RAB3IP: variants seen among roughly 807,000 people sequenced by gnomAD.
RAB3IP encodes rab-3A-interacting protein.
Under a neutral mutation model 59.1 loss-of-function variants are expected in RAB3IP, and 36 were observed. The observed-to-expected ratio is 0.61, with a 90% CI of 0.47 to 0.80. The LOEUF (loss-of-function observed/expected upper bound fraction) is 0.80, where lower values mean the gene tolerates loss of function less well. RAB3IP is among the 30% of genes least tolerant of loss of function. RAB3IP has a pLI of 0.00. For synonymous variants in RAB3IP, 207 were observed against 191.2 expected (o/e 1.08, Z -0.68); for missense variants, 511 against 536.0 (o/e 0.95, Z 0.46).
intron 3 of RAB3IP, among the ~76,000 whole-genome samples, chr12:69,765,758 T>C (rs1179885642): frequency 6.6e-6 from 1 of 152,218 alleles, no homozygotes; most frequent in Admixed American, 6.5e-5. Context: ...AGAGGATCTC[T>C]AATTTTTGTG....
chr12:69,759,866 G>A (rs1362890060), intron 3 of RAB3IP, among the ~76,000 whole-genome samples: 7 of 151,966 alleles, frequency 4.6e-5, no homozygotes, highest in African/African-American at 1.4e-4. Flanking sequence ...CGGGGCTGCC[G>A]GGCAGAGACG....
At chr12:69,744,424 T>C (rs1320432737) in intron 1 of RAB3IP, among the ~76,000 whole-genome samples, 2 of 152,054 alleles carry the variant, frequency 1.3e-5, no homozygotes, top group Non-Finnish European at 2.9e-5. Context: ...AGGTTGTACA[T>C]TGAAGTGTTG....
chr12:69,742,255 C>T (rs1235742982), intron 1 of RAB3IP, among the ~76,000 whole-genome samples: 1 of 152,084 alleles, frequency 6.6e-6, no homozygotes, highest in Admixed American at 6.5e-5. Flanking sequence ...AAACTTTTTT[C>T]CGATATAATT....
chr12:69,800,351 AT>A lies in RAB3IP; in HGVS notation c.1017+18del. 1 of 1,492,634 alleles carries A rather than the reference AT, an allele frequency of 6.7e-7. No individual in the cohort carries two copies. The highest frequency in any genetic ancestry group is 9.1e-7 in the Non-Finnish European group (1 of 1,096,026). 92.5% of individuals were successfully genotyped at this position (1,492,634 alleles called of 1,614,324 possible). A position where few individuals can be genotyped will look rare whatever the true frequency, so the allele number is the denominator to read the frequency against. On this transcript the variant is annotated intron_variant, in intron 7 of 10. Transcript: ENST00000247833. ...TCAAAAAGTGAGGTAATTTTTTTTC[AT>A]TTTAGTAGGAATTCATTATAGTTGT...
rs1304586144 is a variant in RAB3IP, at chr12:69,788,654, C to T, written c.606+3839C>T. On this transcript the variant is annotated intron_variant, in intron 4 of 10. Transcript: ENST00000247833. ...CTCTCTAATGAGTAGATTATTCAGA[C>T]AGAAAATTAATAAGGAAACAGCAGA... Among the ~76,000 whole-genome samples the T allele has an allele frequency of 2.6e-5, 4 of 152,162 alleles. No homozygotes were observed. In the East Asian group the frequency reaches 5.8e-4, roughly 22 times the overall value.
intron 6 of RAB3IP, among the ~76,000 whole-genome samples, chr12:69,798,209 T>C (rs1322730634): frequency 3.3e-5 from 5 of 152,160 alleles, no homozygotes; most frequent in African/African-American, 4.8e-5. Flanking sequence ...TTTTAATGAT[T>C]GCCATTGTAA....
In RAB3IP at chr12:69,767,019, C is replaced by G. The variant is rs1004534908; in HGVS notation, c.510+10356C>G. ...AAGAACTGTTGCTGGAGAGCTAGTG[C>G]TATCCCTTGGTGGTGTTACTACATT... is the stretch of plus-strand genomic sequence containing the variant. On this transcript the variant is annotated intron_variant, in intron 3 of 10. Coordinates refer to ENST00000247833, the MANE Select transcript of RAB3IP (RefSeq NM_022456.5). Among the ~76,000 whole-genome samples, 4 of 152,352 alleles carry G rather than the reference C, an allele frequency of 2.6e-5. No individual in the cohort carries two copies. In the East Asian group the frequency reaches 7.7e-4, roughly 29 times the overall value.
intron 8 of RAB3IP, among the ~76,000 whole-genome samples, chr12:69,810,692 G>T (rs115589718): frequency 2.6e-5 from 4 of 152,042 alleles, no homozygotes; most frequent in Admixed American, 1.3e-4. Flanking sequence ...AGATTGGGGT[G>T]GGGGGATGGG....
intron 3 of RAB3IP, among the ~76,000 whole-genome samples, chr12:69,781,913 G>A (rs1213262243): frequency 6.6e-6 from 1 of 152,234 alleles, no homozygotes; most frequent in Non-Finnish European, 1.5e-5. Context: ...TGGATCCCAT[G>A]ATAAGAGTAT....
intron 3 of RAB3IP, among the ~76,000 whole-genome samples, chr12:69,781,137 T>C (rs936268401): frequency 1.3e-5 from 2 of 152,226 alleles, no homozygotes; most frequent in African/African-American, 4.8e-5. Context: ...AAAAATAATA[T>C]GTGTTATTTT....
intron 8 of RAB3IP, among the ~76,000 whole-genome samples, chr12:69,804,465 G>A (rs200257407): frequency 2.8e-5 from 4 of 144,068 alleles, no homozygotes; most frequent in African/African-American, 5.1e-5. Flanking sequence ...CTCTGATGGT[G>A]GTTTCTTTTG....
At chr12:69,746,257 A>G (rs1426103676) in intron 1 of RAB3IP, among the ~76,000 whole-genome samples, 1 of 150,868 alleles carries the variant, frequency 6.6e-6, no homozygotes, top group African/African-American at 2.4e-5. Context: ...TCTTCAGGAT[A>G]AACTTTAAGC....
At chr12:69,783,496 A>ACCT (rs1875099995) in intron 3 of RAB3IP, among the ~76,000 whole-genome samples, 1 of 151,942 alleles carries the variant, frequency 6.6e-6, no homozygotes, top group Admixed American at 6.6e-5. Flanking sequence ...CCTTAGGGTG[A>ACCT]GACTCCGTCC....
intron 7 of RAB3IP, 48 bp from the exon 8 acceptor site, chr12:69,801,561 A>ATTTTT (rs2136247676): frequency 8.8e-7 from 1 of 1,134,136 alleles, no homozygotes; most frequent in Non-Finnish European, 1.3e-6. Flanking sequence ...TACAATTTTG[A>ATTTTT]TATTTTTCTG....
chr12:69,821,669 A>G lies in RAB3IP; in HGVS notation c.*6223A>G, dbSNP rs1881762253. The G allele has an allele frequency of 6.6e-6, 1 of 152,202 alleles. No individual in the cohort carries two copies. The highest frequency in any genetic ancestry group is 1.5e-5 in the Non-Finnish European group (1 of 68,024). The allele number at this position is 152,202 out of a possible 1,614,324, so 9.4% of individuals were successfully genotyped here. A position where few individuals can be genotyped will look rare whatever the true frequency, so the allele number is the denominator to read the frequency against. On this transcript the variant is annotated 3_prime_UTR_variant, in exon 11 of 11. Coordinates refer to ENST00000247833, the MANE Select transcript of RAB3IP (RefSeq NM_022456.5). Reference sequence around the variant, plus strand: ...ATTGCCAGCATTTAAAAATGAGGAAATCTAAAATCTGCATTTCAAGCTGCT... The same window carrying G: ...ATTGCCAGCATTTAAAAATGAGGAAGTCTAAAATCTGCATTTCAAGCTGCT...
At chr12:69,738,750 A>AG (rs926232086), upstream of RAB3IP, 5 of 151,020 alleles carry the variant, frequency 3.3e-5, no homozygotes, top group African/African-American at 1.2e-4. Flanking sequence ...GTCCGCCCCC[A>AG]GGCCCCATGC....
intron 3 of RAB3IP, among the ~76,000 whole-genome samples, chr12:69,761,109 G>A (rs1407906226): frequency 3.9e-5 from 6 of 151,986 alleles, no homozygotes; most frequent in African/African-American, 1.4e-4. Flanking sequence ...TTTCCTCACT[G>A]TGTTTCATTG....
At chr12:69,779,699 T>C (rs79496764) in intron 3 of RAB3IP, among the ~76,000 whole-genome samples, 18 of 140,518 alleles carry the variant, frequency 1.3e-4, no homozygotes, top group Middle Eastern at 3.6e-3. Context: ...TTTTTTTTTT[T>C]CCAGCGTCTC....
At position 69,816,414 on chromosome 12, in the gene RAB3IP, C is replaced by A. The variant is rs1881143999; in HGVS notation, c.*968C>A. Reference sequence around the variant, plus strand: ...TTTTGGATAGTAGCCTTTCAGCTTTCAGATATTTTCTACTTACATATGCAT... The same window carrying A: ...TTTTGGATAGTAGCCTTTCAGCTTTAAGATATTTTCTACTTACATATGCAT... On this transcript the variant is annotated 3_prime_UTR_variant, in exon 11 of 11. Coordinates refer to ENST00000247833, the MANE Select transcript of RAB3IP (RefSeq NM_022456.5). The A allele has an allele frequency of 6.6e-6, 1 of 152,080 alleles. No homozygotes were observed. Among genetic ancestry groups the A allele is most frequent in the Non-Finnish European group, 1.5e-5 (1 of 68,026 alleles). 9.4% of individuals were successfully genotyped at this position (152,080 alleles called of 1,614,324 possible).
Sources: allele counts gnomAD v4.1 joint callset (sites outside exome capture counted in the v4.1 genomes callset), GRCh38; gene constraint gnomAD v4.1.1; transcripts MANE v1.5; gene names NCBI Gene and HGNC (gene_info 2026-07-23, HGNC 2026-07-21).